Variants in SLC75A1 observed in about 807,000 individuals in gnomAD.
The protein encoded by SLC75A1 is solute carrier family 75 member 1, also known as major facilitator superfamily domain containing 10.
the SLC75A1 span, chr4:2,933,568 T>A: frequency 1.2e-6 from 2 of 1,613,584 alleles, no homozygotes; most frequent in East Asian, 2.2e-5. Flanking sequence ...CAGCCATACC[T>A]CCGAACAGGA....
At chr4:2,934,280 C>T in the SLC75A1 span, 1 of 283,180 alleles carries the variant, frequency 3.5e-6, no homozygotes, top group Non-Finnish European at 6.7e-6. Context: ...GCGGGGAACC[C>T]GGATCCCGAT....
At chr4:2,932,195 G>A in the SLC75A1 span, 2 of 1,571,076 alleles carry the variant, frequency 1.3e-6, no homozygotes, top group Admixed American at 1.9e-5. Flanking sequence ...GCGGCTGCTG[G>A]CCTGGCAACC....
At chr4:2,932,424 G>A in the SLC75A1 span, 1 of 1,613,752 alleles carries the variant, frequency 6.2e-7, no homozygotes. Flanking sequence ...GAAGAGCAGG[G>A]CAAACCAGGG....
chr4:2,931,840 C>T, the SLC75A1 span: 573 of 1,604,430 alleles, frequency 3.6e-4, no homozygotes, highest in Non-Finnish European at 4.1e-4. Flanking sequence ...GAACTGGAAG[C>T]GCTGGTGTGT....
the SLC75A1 span, chr4:2,932,887 C>T: frequency 2.0e-5 from 25 of 1,245,906 alleles, no homozygotes; most frequent in Admixed American, 5.1e-4. Flanking sequence ...GGGCCACTTG[C>T]GTTCTCAGTG....
the SLC75A1 span, chr4:2,932,474 C>G: frequency 2.1e-4 from 343 of 1,613,630 alleles, 1 homozygote; most frequent in Non-Finnish European, 2.7e-4. Flanking sequence ...GCATAGGGCC[C>G]AGGGTGAAGC....
chr4:2,931,014 C>A, the SLC75A1 span: 2 of 1,611,670 alleles, frequency 1.2e-6, no homozygotes, highest in Non-Finnish European at 1.7e-6. Context: ...GAGGCGAGGG[C>A]AGGTGCTTGG....
At chr4:2,930,618 A>T in the SLC75A1 span, 1 of 592,774 alleles carries the variant, frequency 1.7e-6, no homozygotes, top group South Asian at 2.1e-5. Context: ...GCATAGTTTA[A>T]AAAACAAACA....
the SLC75A1 span, chr4:2,931,903 T>G: frequency 4.3e-6 from 7 of 1,610,564 alleles, 1 homozygote; most frequent in South Asian, 7.7e-5. Context: ...GTAGAGGAAG[T>G]AGACTAGGCC....
the SLC75A1 span, chr4:2,932,240 A>G: frequency 1.3e-6 from 2 of 1,546,438 alleles, no homozygotes; most frequent in Non-Finnish European, 1.7e-6. Context: ...CAACACCAAG[A>G]GAGCGGCCCA....
chr4:2,932,319 C>T, the SLC75A1 span: 1 of 1,601,046 alleles, frequency 6.2e-7, no homozygotes, highest in Non-Finnish European at 8.5e-7. Context: ...CCTCCAGCCC[C>T]TAGGCCTGTG....
At chr4:2,932,930 G>T in the SLC75A1 span, 2 of 1,062,708 alleles carry the variant, frequency 1.9e-6, no homozygotes, top group Non-Finnish European at 1.3e-6. Context: ...CTCCTTGAAA[G>T]CCTGGCTCTG....
At chr4:2,933,150 T>C in the SLC75A1 span, 10 of 1,613,448 alleles carry the variant, frequency 6.2e-6, no homozygotes, top group East Asian at 2.0e-4. Context: ...CAGTCAGAGG[T>C]GGCCCCAGTG....
chr4:2,934,245 T>C, the SLC75A1 span: 2 of 330,176 alleles, frequency 6.1e-6, no homozygotes, highest in African/African-American at 4.5e-5. Context: ...CACGCCCTCG[T>C]AACAGCGAGA....
chr4:2,933,425 G>A, the SLC75A1 span: 3 of 987,046 alleles, frequency 3.0e-6, no homozygotes, highest in East Asian at 2.6e-5. Flanking sequence ...CAGAAGCCAG[G>A]ACATGTGGGC....
the SLC75A1 span, chr4:2,932,734 C>G: frequency 3.2e-6 from 5 of 1,585,450 alleles, no homozygotes; most frequent in Non-Finnish European, 4.3e-6. Context: ...GTGGCCCAGA[C>G]TGCATATGAG....
the SLC75A1 span, chr4:2,931,530 A>C: frequency 6.2e-7 from 1 of 1,604,430 alleles, no homozygotes; most frequent in Non-Finnish European, 8.5e-7. Flanking sequence ...ACTGCCTGCC[A>C]CCCGCTTTGG....
the SLC75A1 span, chr4:2,934,033 C>T: frequency 2.5e-6 from 3 of 1,219,994 alleles, no homozygotes; most frequent in African/African-American, 4.5e-5. Context: ...GGCGAGCACC[C>T]TAAAGGGGCT....
chr4:2,933,230 T>C, the SLC75A1 span: 1 of 1,607,770 alleles, frequency 6.2e-7, no homozygotes, highest in East Asian at 2.2e-5. Flanking sequence ...GATGTCACCA[T>C]CATGGGGCTG....
Sources: allele counts gnomAD v4.1 joint callset, GRCh38; gene constraint gnomAD v4.1.1; transcripts MANE v1.5; gene names NCBI Gene and HGNC (gene_info 2026-07-23, HGNC 2026-07-21).